Variants in NEBL observed in about 807,000 individuals in gnomAD.
NEBL encodes LIM and SH3 protein 2.
A neutral mutation model predicts 140.2 loss-of-function variants in NEBL; 122 were observed. The observed-to-expected ratio is 0.87, with a 90% CI of 0.75 to 1.01. The LOEUF (loss-of-function observed/expected upper bound fraction) is 1.01, where lower values mean the gene tolerates loss of function less well. NEBL is among the 50% of genes least tolerant of loss of function. The pLI, the probability that NEBL is intolerant of heterozygous loss-of-function variation, is 0.00. For synonymous variants in NEBL, 436 were observed against 398.9 expected (o/e 1.09, Z -1.11); for missense variants, 1,365 against 1,231.3 (o/e 1.11, Z -1.62).
intron 4 of NEBL, among the ~76,000 whole-genome samples, chr10:20,908,597 T>G (rs1848198307): frequency 1.3e-5 from 2 of 152,152 alleles, no homozygotes; most frequent in Admixed American, 6.5e-5. Flanking sequence ...TGGCAAATGT[T>G]TAACAATCAA....
intron 2 of NEBL, among the ~76,000 whole-genome samples, chr10:21,167,980 G>C (rs1043986538): frequency 2.6e-5 from 4 of 152,140 alleles, no homozygotes; most frequent in Admixed American, 6.5e-5. Flanking sequence ...TATTTTAATA[G>C]TGTGCACTGC....
chr10:21,081,633 G>T (rs571415567), intron 2 of NEBL, among the ~76,000 whole-genome samples: 1 of 152,302 alleles, frequency 6.6e-6, no homozygotes, highest in East Asian at 1.9e-4. Context: ...TCCCTAGACG[G>T]TTGGTTTCCA....
chr10:20,890,721 T>C lies in NEBL; in HGVS notation c.154-772A>G, dbSNP rs181123017. On this transcript the variant is annotated intron_variant, in intron 2 of 27. Coordinates refer to ENST00000377122, the MANE Select transcript of NEBL (RefSeq NM_006393.3). ...GACTCACTCTCTTCCCCTTTGGGGA[T>C]AGGCCAGAATTGTTATGCCGGGGGA... Among the ~76,000 whole-genome samples, 90 of 152,330 alleles carry C rather than the reference T, an allele frequency of 5.9e-4. 2 individuals are homozygous for C. The East Asian group carries it at 0.016, about 27-fold the overall frequency.
intron 3 of NEBL, among the ~76,000 whole-genome samples, chr10:21,014,580 C>T (rs549362446): frequency 5.9e-5 from 9 of 152,246 alleles, no homozygotes; most frequent in East Asian, 5.8e-4. Flanking sequence ...TCAGCAGACA[C>T]GCTTTAAGAT....
chr10:20,842,252 C>T (rs1405821962), intron 12 of NEBL, among the ~76,000 whole-genome samples: 1 of 152,008 alleles, frequency 6.6e-6, no homozygotes, highest in South Asian at 2.1e-4. Flanking sequence ...TCAAATGACC[C>T]GAGTGAAAGT....
intron 2 of NEBL, among the ~76,000 whole-genome samples, chr10:21,157,475 G>A (rs1228935372): frequency 6.6e-6 from 1 of 152,152 alleles, no homozygotes. Flanking sequence ...GGAGGCTGAG[G>A]TGGGAGGATC....
chr10:21,052,281 G>C (rs1284488677), intron 2 of NEBL, among the ~76,000 whole-genome samples: 1 of 152,186 alleles, frequency 6.6e-6, no homozygotes, highest in Non-Finnish European at 1.5e-5. Flanking sequence ...ACTGGGAAGA[G>C]AGAGCAAACG....
chr10:20,907,988 G>A (rs1219641929), intron 4 of NEBL, among the ~76,000 whole-genome samples: 1 of 152,036 alleles, frequency 6.6e-6, no homozygotes, highest in Non-Finnish European at 1.5e-5. Context: ...TGGGAAAGAG[G>A]AACTCCATAT....
intron 2 of NEBL, among the ~76,000 whole-genome samples, chr10:21,045,997 A>C (rs535312145): frequency 1.3e-4 from 15 of 118,964 alleles, no homozygotes; most frequent in African/African-American, 4.0e-4. Context: ...AATGGATAAA[A>C]AAATGTGGTA....
chr10:21,145,056 C>T (rs1055737241), intron 2 of NEBL, among the ~76,000 whole-genome samples: 1 of 151,704 alleles, frequency 6.6e-6, no homozygotes, highest in Non-Finnish European at 1.5e-5. Flanking sequence ...AAAAGATGCT[C>T]GTGGATAGAA....
chr10:20,863,406 T>C (rs917283049), intron 7 of NEBL, among the ~76,000 whole-genome samples: 9 of 152,154 alleles, frequency 5.9e-5, no homozygotes, highest in Non-Finnish European at 1.2e-4. Flanking sequence ...TAATTATCAT[T>C]GAAAATGAAA....
At chr10:21,286,537 C>T (rs1340642574) in intron 1 of NEBL, among the ~76,000 whole-genome samples, 1 of 152,214 alleles carries the variant, frequency 6.6e-6, no homozygotes, top group Non-Finnish European at 1.5e-5. Flanking sequence ...AGACTGGATT[C>T]AGACTATAGC....
rs191683914 is a variant in NEBL at position 21,268,437 on chromosome 10, C to T, written n.183-16609G>A. 2.8e-3 allele frequency among the ~76,000 whole-genome samples: 427 copies of T among 152,270 alleles called. 1 individual carries two copies. The highest frequency in any genetic ancestry group is 9.0e-3 in the African/African-American group (372 of 41,552). ...GTTTGAGGCTGCAGAGAGCTGTGTT[C>T]ATGCCACTGTGCTCCAGCCTGGGCA... is the stretch of plus-strand genomic sequence containing the variant. On this transcript the variant is annotated intron_variant and non_coding_transcript_variant, in intron 1 of 8. Transcript: ENST00000675702.
intron 11 of NEBL, among the ~76,000 whole-genome samples, chr10:20,847,667 C>G (rs1842076106): frequency 6.6e-6 from 1 of 151,974 alleles, no homozygotes; most frequent in Non-Finnish European, 1.5e-5. Flanking sequence ...AGAAGGAGGT[C>G]CAGCCTGAAA....
intron 2 of NEBL, among the ~76,000 whole-genome samples, chr10:21,062,028 G>C (rs1222257231): frequency 6.6e-6 from 1 of 152,212 alleles, no homozygotes; most frequent in Non-Finnish European, 1.5e-5. Context: ...CCGATGAAAA[G>C]AGCAAAGATG....
intron 2 of NEBL, among the ~76,000 whole-genome samples, chr10:21,100,260 C>G (rs1589233450): frequency 6.6e-6 from 1 of 152,178 alleles, no homozygotes; most frequent in African/African-American, 2.4e-5. Flanking sequence ...CATTCCCCAC[C>G]ATCAGCCGGT....
chr10:20,939,443 T>A (rs7100279), intron 4 of NEBL, among the ~76,000 whole-genome samples: 109,146 of 151,946 alleles, frequency 0.72, 39,270 homozygotes, highest in Admixed American at 0.81. Context: ...AGCACGAAAC[T>A]TGGAAAGGAA....
chr10:20,814,561 T>C (rs1246343003), intron 22 of NEBL, among the ~76,000 whole-genome samples: 1 of 151,694 alleles, frequency 6.6e-6, no homozygotes, highest in Non-Finnish European at 1.5e-5. Flanking sequence ...ATGATTGTGC[T>C]ATTGCATTCC....
intron 3 of NEBL, among the ~76,000 whole-genome samples, chr10:21,209,786 A>G (rs1416334523): frequency 6.6e-6 from 1 of 151,858 alleles, no homozygotes; most frequent in South Asian, 2.1e-4. Context: ...AAACAGAAAG[A>G]TAATCAGTGC....
Sources: gnomAD v4.1 joint callset for allele counts (sites outside exome capture counted in the v4.1 genomes callset) on GRCh38, gnomAD v4.1.1 for gene constraint, MANE v1.5 for transcripts, NCBI Gene and HGNC (gene_info 2026-07-23, HGNC 2026-07-21) for gene names.